The following CHRM3 variants were observed in gnomAD, a reference collection of about 807,000 sequenced individuals.
The protein encoded by CHRM3 is muscarinic acetylcholine receptor M3.
In CHRM3, 11 loss-of-function variants were observed where a neutral mutation model predicts 41.8. That is an observed-to-expected ratio of 0.26 (90% CI 0.17 to 0.44). The LOEUF is 0.44. Ranked by LOEUF, CHRM3 falls within the 20% of genes least tolerant of loss-of-function variation. The probability of loss-of-function intolerance (pLI) is 1.00; values close to 1 mark genes in which losing one functional copy is unlikely to be tolerated. For missense variants in CHRM3, 571 were observed against 745.4 expected, an observed-to-expected ratio of 0.77 and a Z score of 2.72; for synonymous variants, 297 against 301.4, an observed-to-expected ratio of 0.99 and a Z score of 0.15.
chr1:239,715,959 G>T (rs980790687), intron 5 of CHRM3, among the ~76,000 whole-genome samples: 11 of 152,092 alleles, frequency 7.2e-5, no homozygotes, highest in Non-Finnish European at 2.9e-5. Context: ...GAAGACCAGG[G>T]CTTTGTACCA....
rs562361535 is a variant in CHRM3, at chr1:239,554,562, C to A, written c.-313+8813C>A. On this transcript the variant is annotated intron_variant, in intron 3 of 6. Coordinates refer to ENST00000676153, the MANE Select transcript of CHRM3 (RefSeq NM_001375978.1). ...GTAATAAATTTATTTTAAATGAAAG[C>A]AGCTCCTTTTTTATAGCAAAATTGC... Among the ~76,000 whole-genome samples, 6 of 151,998 alleles carry A rather than the reference C, an allele frequency of 3.9e-5. No individual in the cohort carries two copies. In the South Asian group the frequency reaches 1.2e-3, roughly 32 times the overall value.
chr1:239,685,789 G>A (rs1286232068), intron 5 of CHRM3, among the ~76,000 whole-genome samples: 4 of 151,876 alleles, frequency 2.6e-5, no homozygotes, highest in African/African-American at 9.7e-5. Context: ...GCCATTGCAT[G>A]CCAGCCTGGG....
intron 2 of CHRM3, among the ~76,000 whole-genome samples, chr1:239,536,549 G>A (rs972527422): frequency 6.6e-6 from 1 of 152,162 alleles, no homozygotes; most frequent in Non-Finnish European, 1.5e-5. Context: ...CAAGATATTA[G>A]TAAACCATCA....
rs146510048 is a variant in CHRM3 at position 239,815,912 on chromosome 1, A to G, written c.-146-11340A>G. On this transcript the variant is annotated intron_variant, in intron 5 of 6. Transcript: ENST00000676153. ...CAGTGACAGCACTTCAGCAAAATCA[A>G]TATGGTGCTTCTGTCTCAATAACAA... is the stretch of plus-strand genomic sequence containing the variant. Among the ~76,000 whole-genome samples the G allele has an allele frequency of 8.5e-3, 1,297 of 152,312 alleles. 19 individuals carry two copies. The highest frequency in any genetic ancestry group is 0.03 in the African/African-American group (1,235 of 41,582).
chr1:239,704,121 T>C (rs1660926165), intron 5 of CHRM3: 1 of 152,168 alleles, frequency 6.6e-6, no homozygotes, highest in African/African-American at 2.4e-5. Flanking sequence ...GAAATGCCTC[T>C]TTACAGCTCT....
At chr1:239,460,237 G>C (rs1374271222) in intron 1 of CHRM3, among the ~76,000 whole-genome samples, 1 of 152,134 alleles carries the variant, frequency 6.6e-6, no homozygotes. Context: ...AAACATAAAA[G>C]GGACCAGAGT....
intron 1 of CHRM3, among the ~76,000 whole-genome samples, chr1:239,394,647 G>A (rs1214544252): frequency 6.6e-6 from 1 of 152,150 alleles, no homozygotes; most frequent in African/African-American, 2.4e-5. Context: ...GTATGTTTGA[G>A]AAATTAACAC....
chr1:239,841,036 C>G (rs777047408), intron 6 of CHRM3, among the ~76,000 whole-genome samples: 18 of 152,298 alleles, frequency 1.2e-4, no homozygotes, highest in Non-Finnish European at 2.2e-4. Context: ...CAGAGGCCAT[C>G]CACCCACACT....
chr1:239,599,231 C>T (rs996195325), intron 3 of CHRM3, among the ~76,000 whole-genome samples: 7 of 152,186 alleles, frequency 4.6e-5, no homozygotes, highest in Non-Finnish European at 8.8e-5. Flanking sequence ...ATGAAATCCA[C>T]AGGACACTTC....
intron 1 of CHRM3, among the ~76,000 whole-genome samples, chr1:239,447,306 A>C (rs1664220919): frequency 6.6e-6 from 1 of 152,170 alleles, no homozygotes; most frequent in Non-Finnish European, 1.5e-5. Context: ...AAGAAACTTC[A>C]TAAGAAAAAA....
intron 1 of CHRM3, among the ~76,000 whole-genome samples, chr1:239,422,270 T>A (rs1204019822): frequency 6.6e-6 from 1 of 152,222 alleles, no homozygotes; most frequent in African/African-American, 2.4e-5. Flanking sequence ...TTGAGAGTTT[T>A]ATTTTGTGCA....
At chr1:239,453,888 G>A (rs754031481) in intron 1 of CHRM3, among the ~76,000 whole-genome samples, 3 of 152,166 alleles carry the variant, frequency 2.0e-5, no homozygotes, top group Non-Finnish European at 4.4e-5. Context: ...CCAGTGAAGG[G>A]AGAGGGGAAG....
chr1:239,881,237 C>T (rs549739912), intron 6 of CHRM3, among the ~76,000 whole-genome samples: 16 of 119,382 alleles, frequency 1.3e-4, no homozygotes, highest in African/African-American at 5.5e-4. Context: ...GAGCCGAGAT[C>T]CCGCCCCTGC....
chr1:239,769,715 T>C (rs1422968637), intron 5 of CHRM3, among the ~76,000 whole-genome samples: 1 of 151,922 alleles, frequency 6.6e-6, no homozygotes, highest in Non-Finnish European at 1.5e-5. Flanking sequence ...AACCCATCTC[T>C]ACTACAAATA....
chr1:239,433,170 A>T (rs1477720032), intron 1 of CHRM3, among the ~76,000 whole-genome samples: 1 of 152,196 alleles, frequency 6.6e-6, no homozygotes, highest in Non-Finnish European at 1.5e-5. Context: ...ATTTTTAAAG[A>T]ATCTTATCCT....
chr1:239,558,215 T>C (rs1000317452), intron 3 of CHRM3, among the ~76,000 whole-genome samples: 1 of 152,240 alleles, frequency 6.6e-6, no homozygotes, highest in African/African-American at 2.4e-5. Flanking sequence ...TGGTTTTGAT[T>C]TGCATTTCTC....
intron 2 of CHRM3, among the ~76,000 whole-genome samples, chr1:239,506,219 G>A (rs1185023483): frequency 6.6e-6 from 1 of 152,150 alleles, no homozygotes; most frequent in African/African-American, 2.4e-5. Flanking sequence ...TAATCCTCAA[G>A]ACAATGGGGA....
At chr1:239,496,395 A>G (rs1667882655) in intron 2 of CHRM3, among the ~76,000 whole-genome samples, 1 of 152,040 alleles carries the variant, frequency 6.6e-6, no homozygotes, top group African/African-American at 2.4e-5. Context: ...AATATATATA[A>G]TATCTATCTT....
At chr1:239,660,866 G>C (rs1014045278) in intron 4 of CHRM3, among the ~76,000 whole-genome samples, 1 of 152,184 alleles carries the variant, frequency 6.6e-6, no homozygotes. Flanking sequence ...GGGTGACAGA[G>C]AGAGACTCTG....
Sources: allele counts gnomAD v4.1 joint callset (sites outside exome capture counted in the v4.1 genomes callset), GRCh38; gene constraint gnomAD v4.1.1; transcripts MANE v1.5; gene names NCBI Gene and HGNC (gene_info 2026-07-23, HGNC 2026-07-21).